Variants in RBFOX1 observed in about 807,000 individuals in gnomAD.
RBFOX1 encodes RNA binding fox-1 homolog 1.
Under a neutral mutation model 57.7 loss-of-function variants are expected in RBFOX1, and 8 were observed. That is an observed-to-expected ratio of 0.14 (90% CI 0.08 to 0.25). The LOEUF (loss-of-function observed/expected upper bound fraction) is 0.25, where lower values mean the gene tolerates loss of function less well. RBFOX1 is among the 10% of genes least tolerant of loss of function. The pLI is 1.00. For synonymous variants in RBFOX1, 326 were observed against 222.4 expected (o/e 1.47, Z -4.15); for missense variants, 611 against 548.5 (o/e 1.11, Z -1.14).
intron 4 of RBFOX1, among the ~76,000 whole-genome samples, chr16:7,400,243 T>A (rs926857047): frequency 6.6e-6 from 1 of 152,098 alleles, no homozygotes; most frequent in African/African-American, 2.4e-5. Context: ...TCCCCAAAGC[T>A]CCCATCTCTA....
intron 13 of RBFOX1, among the ~76,000 whole-genome samples, chr16:7,665,956 G>A (rs769363362): frequency 5.9e-5 from 9 of 152,078 alleles, no homozygotes; most frequent in Non-Finnish European, 1.2e-4. Context: ...ACTTAGTTGA[G>A]TTCTACTATT....
At position 6,899,865 on chromosome 16, in the gene RBFOX1, A is replaced by G. The variant is rs367924634; in HGVS notation, c.-15-152192A>G. Among the ~76,000 whole-genome samples, 39 of 152,340 alleles carry G rather than the reference A, an allele frequency of 2.6e-4. 2 individuals are homozygous for G. The South Asian group carries it at 7.9e-3, about 31-fold the overall frequency. ...TTCGTTAGTAAATAATAGTAGGGCC[A>G]TGTCCAGGTGTGAAGTTAACAATGA... On this transcript the variant is annotated intron_variant, in intron 3 of 15. Transcript: ENST00000550418.
chr16:5,366,191 A>G (rs1229261821), intron 1 of RBFOX1: 1 of 415,898 alleles, frequency 2.4e-6, no homozygotes, highest in Non-Finnish European at 4.6e-6. Context: ...AAGATATGAA[A>G]CTCTTAAGTA....
chr16:7,529,096 A>C (rs186536766), intron 5 of RBFOX1, among the ~76,000 whole-genome samples: 2 of 152,088 alleles, frequency 1.3e-5, no homozygotes, highest in Non-Finnish European at 2.9e-5. Flanking sequence ...CTGTCTCGAC[A>C]CAAAAAGTAC....
intron 2 of RBFOX1, among the ~76,000 whole-genome samples, chr16:6,336,889 T>A (rs1003436807): frequency 5.3e-5 from 8 of 152,204 alleles, no homozygotes; most frequent in Non-Finnish European, 8.8e-5. Context: ...AAGAGCCTAG[T>A]CAGAGTTTTA....
rs57128710 is a variant in RBFOX1, at chr16:7,140,157, C to CCTCTCTCTCTCTCTCTCT, written c.27+88079_27+88096dup. On this transcript the variant is annotated intron_variant, in intron 4 of 15. Coordinates refer to ENST00000550418, the MANE Select transcript of RBFOX1 (RefSeq NM_018723.4). Reference sequence around the variant, plus strand: ...CATTCTCTTATTCTCTCCTTCTCTCCCTCTCTCTCTCTCTCTCTCTCTCTC... The same window carrying CCTCTCTCTCTCTCTCTCT: ...CATTCTCTTATTCTCTCCTTCTCTCCCTCTCTCTCTCTCTCTCTCTCTCTCTCTCTCTCTCTCTCTCTC... Among the ~76,000 whole-genome samples the CCTCTCTCTCTCTCTCTCT allele has an allele frequency of 1.4e-3, 99 of 70,868 alleles. 5 individuals are homozygous for CCTCTCTCTCTCTCTCTCT. The highest frequency in any genetic ancestry group is 2.2e-3 in the Non-Finnish European group (81 of 36,892). The allele number at this position is 70,868 out of a possible 152,430, so 46.5% of individuals were successfully genotyped here.
At chr16:5,846,411 G>T (rs1277008958) in intron 3 of RBFOX1, among the ~76,000 whole-genome samples, 1 of 151,534 alleles carries the variant, frequency 6.6e-6, no homozygotes, top group Non-Finnish European at 1.5e-5. Flanking sequence ...TGTTTTATGG[G>T]CTTTATTATC....
intron 6 of RBFOX1, among the ~76,000 whole-genome samples, chr16:7,585,483 C>G (rs1467712641): frequency 6.6e-6 from 1 of 152,166 alleles, no homozygotes; most frequent in African/African-American, 2.4e-5. Flanking sequence ...TCTTTGGTTT[C>G]TTCCTATCCT....
intron 3 of RBFOX1, among the ~76,000 whole-genome samples, chr16:5,806,002 T>C (rs952077643): frequency 3.3e-5 from 5 of 149,400 alleles, no homozygotes; most frequent in African/African-American, 1.2e-4. Flanking sequence ...TAAATGGTAA[T>C]GAACATGGGT....
chr16:7,404,985 C>T (rs1304675578), intron 4 of RBFOX1, among the ~76,000 whole-genome samples: 3 of 152,148 alleles, frequency 2.0e-5, no homozygotes, highest in Non-Finnish European at 4.4e-5. Context: ...TTTTACTCCA[C>T]AGCAGGAAAG....
At chr16:7,440,755 G>C (rs1487550562) in intron 4 of RBFOX1, among the ~76,000 whole-genome samples, 2 of 152,032 alleles carry the variant, frequency 1.3e-5, no homozygotes, top group African/African-American at 4.8e-5. Context: ...TGAAACCCAG[G>C]GCTTTGCATC....
In RBFOX1 at chr16:7,236,611, A is replaced by G. The variant is rs189391123; in HGVS notation, c.27+184513A>G. Among the ~76,000 whole-genome samples the G allele has an allele frequency of 1.4e-4, 22 of 152,322 alleles. No individual in the cohort carries two copies. The East Asian group carries it at 3.3e-3, about 23-fold the overall frequency. Reference sequence around the variant, plus strand: ...AAATGGCCACCTTTTAAGGTAGCACATTGTAGTCAACTTCCCAAATCATGA... The same window carrying G: ...AAATGGCCACCTTTTAAGGTAGCACGTTGTAGTCAACTTCCCAAATCATGA... On this transcript the variant is annotated intron_variant, in intron 4 of 15. Coordinates refer to ENST00000550418, the MANE Select transcript of RBFOX1 (RefSeq NM_018723.4).
At chr16:7,138,010 C>G (rs757012918) in intron 4 of RBFOX1, among the ~76,000 whole-genome samples, 65 of 152,160 alleles carry the variant, frequency 4.3e-4, no homozygotes, top group African/African-American at 1.5e-3. Flanking sequence ...GGTTAGGTAA[C>G]TTGCCCGAGG....
chr16:6,299,756 G>T (rs1567882843), intron 1 of RBFOX1, among the ~76,000 whole-genome samples: 1 of 152,188 alleles, frequency 6.6e-6, no homozygotes, highest in African/African-American at 2.4e-5. Flanking sequence ...CTGGGTCTCA[G>T]TTAAAGGCGT....
intron 3 of RBFOX1, among the ~76,000 whole-genome samples, chr16:6,904,626 A>AAAG (rs1489770193): frequency 4.7e-5 from 7 of 149,650 alleles, no homozygotes; most frequent in African/African-American, 9.8e-5. Flanking sequence ...AAAAAAAAAA[A>AAAG]AAGAAGAAGA....
At chr16:5,797,275 T>G (rs536960508) in intron 3 of RBFOX1, among the ~76,000 whole-genome samples, 1 of 152,360 alleles carries the variant, frequency 6.6e-6, no homozygotes, top group Non-Finnish European at 1.5e-5. Flanking sequence ...TTTGCATCAA[T>G]GGTGTAGACT....
intron 2 of RBFOX1, among the ~76,000 whole-genome samples, chr16:6,606,723 C>A (rs1202638195): frequency 6.6e-6 from 1 of 152,144 alleles, no homozygotes; most frequent in Non-Finnish European, 1.5e-5. Context: ...TTCCATGTTG[C>A]ATATGTACCA....
intron 3 of RBFOX1, among the ~76,000 whole-genome samples, chr16:5,645,388 G>T (rs760981026): frequency 2.0e-5 from 3 of 152,146 alleles, no homozygotes; most frequent in Non-Finnish European, 4.4e-5. Context: ...TAGATTTGAG[G>T]TTGCCAGGGA....
rs534243252 is a variant in RBFOX1, at chr16:6,440,816, A to G, written c.-64+123759A>G. The stretch of plus-strand genomic sequence containing the variant: ...ACACCATCTGGAAAAAAAAAAAAAA[A>G]AAAATCAGTAATAGGATCAAGAGGG... On this transcript the variant is annotated intron_variant, in intron 2 of 15. Coordinates refer to ENST00000550418, the MANE Select transcript of RBFOX1 (RefSeq NM_018723.4). Among the ~76,000 whole-genome samples, 25 of 151,850 alleles carry G rather than the reference A, an allele frequency of 1.6e-4. No individual in the cohort carries two copies. In the South Asian group the frequency reaches 5.2e-3, roughly 32 times the overall value.
Sources: gnomAD v4.1 joint callset for allele counts (sites outside exome capture counted in the v4.1 genomes callset) on GRCh38, gnomAD v4.1.1 for gene constraint, MANE v1.5 for transcripts, NCBI Gene and HGNC (gene_info 2026-07-23, HGNC 2026-07-21) for gene names.